The following ZNF521 variants were observed in gnomAD, a reference collection of about 807,000 sequenced individuals.
The protein encoded by ZNF521 is LYST-interacting protein 3.
Under a neutral mutation model 105.5 loss-of-function variants are expected in ZNF521, and 14 were observed. That is an observed-to-expected ratio of 0.13 (90% CI 0.09 to 0.21). The LOEUF (loss-of-function observed/expected upper bound fraction) is 0.21, where lower values mean the gene tolerates loss of function less well. Among genes scored for constraint, ZNF521 ranks in the 10% least tolerant of loss-of-function variants. The pLI, the probability that ZNF521 is intolerant of heterozygous loss-of-function variation, is 1.00. For synonymous variants in ZNF521, 635 were observed against 606.0 expected, an observed-to-expected ratio of 1.05 and a Z score of -0.70; for missense variants, 1,233 against 1,629.7, an observed-to-expected ratio of 0.76 and a Z score of 4.19.
chr18:25,155,954 A>G lies in ZNF521; in HGVS notation c.3658+39206T>C, dbSNP rs150500112. Among the ~76,000 whole-genome samples, 21 of 152,316 alleles carry G rather than the reference A, an allele frequency of 1.4e-4. No individual in the cohort carries two copies. In the East Asian group the frequency reaches 3.9e-3, roughly 28 times the overall value. On this transcript the variant is annotated intron_variant, in intron 5 of 7. Coordinates refer to ENST00000361524, the MANE Select transcript of ZNF521 (RefSeq NM_015461.3). ...AGGTTAAATAAAACATATAGAGAAT[A>G]AAACAGTGGGAAAGATATTAAGTTT...
At chr18:25,093,165 C>T (rs2033782998) in intron 5 of ZNF521, among the ~76,000 whole-genome samples, 1 of 152,080 alleles carries the variant, frequency 6.6e-6, no homozygotes, top group Non-Finnish European at 1.5e-5. Flanking sequence ...GTCACAAGCA[C>T]TCATAATTGG....
At chr18:25,184,631 T>C (rs2035689626) in intron 5 of ZNF521, among the ~76,000 whole-genome samples, 1 of 152,178 alleles carries the variant, frequency 6.6e-6, no homozygotes, top group Admixed American at 6.5e-5. Flanking sequence ...ATTGGAAGTG[T>C]GTGTGGTTGA....
intron 4 of ZNF521, among the ~76,000 whole-genome samples, chr18:25,199,828 T>C (rs1234022889): frequency 6.6e-6 from 1 of 152,106 alleles, no homozygotes; most frequent in Non-Finnish European, 1.5e-5. Context: ...TAAGTAGCTT[T>C]GCAAACATTT....
intron 2 of ZNF521, among the ~76,000 whole-genome samples, chr18:25,346,358 T>C (rs940308816): frequency 6.6e-6 from 1 of 152,098 alleles, no homozygotes; most frequent in African/African-American, 2.4e-5. Context: ...GAAAAAAATG[T>C]GTTTAAATAA....
At chr18:25,191,832 TCCATA>T (rs1294673348) in intron 5 of ZNF521, among the ~76,000 whole-genome samples, 1 of 152,106 alleles carries the variant, frequency 6.6e-6, no homozygotes, top group African/African-American at 2.4e-5. Flanking sequence ...TTTTTGCTAA[TCCATA>T]CCAAAGAATA....
At chr18:25,275,955 C>T (rs1326581574) in intron 3 of ZNF521, among the ~76,000 whole-genome samples, 2 of 152,066 alleles carry the variant, frequency 1.3e-5, no homozygotes, top group Non-Finnish European at 2.9e-5. Context: ...CTATTGATGG[C>T]GGAGGAGCAC....
At chr18:25,074,881 A>G (rs888804718) in intron 7 of ZNF521, among the ~76,000 whole-genome samples, 1 of 152,166 alleles carries the variant, frequency 6.6e-6, no homozygotes, top group East Asian at 1.9e-4. Flanking sequence ...CTCCACGCAG[A>G]GATGTGCTGT....
chr18:25,165,596 A>G (rs2035325561), intron 5 of ZNF521, among the ~76,000 whole-genome samples: 1 of 152,186 alleles, frequency 6.6e-6, no homozygotes, highest in South Asian at 2.1e-4. Context: ...AAACATCACA[A>G]TGAGAGTTCT....
At chr18:25,228,359 T>C (rs1906311326) in intron 3 of ZNF521, among the ~76,000 whole-genome samples, 1 of 152,232 alleles carries the variant, frequency 6.6e-6, no homozygotes, top group Non-Finnish European at 1.5e-5. Context: ...ATTTCTTCAA[T>C]AACTGAAATT....
chr18:25,244,282 GCACACACACACA>G (rs57083520), intron 3 of ZNF521, among the ~76,000 whole-genome samples: 2,958 of 147,422 alleles, frequency 0.02, 62 homozygotes, highest in East Asian at 0.079. Flanking sequence ...GTATGCATGT[GCACACACACACA>G]CACACACACA....
chr18:25,228,763 T>C (rs1906343219), intron 3 of ZNF521, among the ~76,000 whole-genome samples: 1 of 152,228 alleles, frequency 6.6e-6, no homozygotes, highest in African/African-American at 2.4e-5. Flanking sequence ...TTATATTAGG[T>C]GATTTTAAAA....
chr18:25,233,243 TA>T (rs1906652975), intron 3 of ZNF521, among the ~76,000 whole-genome samples: 1 of 151,996 alleles, frequency 6.6e-6, no homozygotes, highest in Non-Finnish European at 1.5e-5. Context: ...AAAAAAAAAC[TA>T]TTATACATTA....
At chr18:25,323,366 T>C (rs1354717384) in intron 2 of ZNF521, among the ~76,000 whole-genome samples, 2 of 152,196 alleles carry the variant, frequency 1.3e-5, no homozygotes, top group Non-Finnish European at 2.9e-5. Flanking sequence ...CATTTTTATA[T>C]GACTACAATA....
intron 7 of ZNF521, among the ~76,000 whole-genome samples, chr18:25,082,991 C>T (rs997866456): frequency 4.6e-5 from 7 of 151,812 alleles, no homozygotes; most frequent in African/African-American, 1.7e-4. Flanking sequence ...CTCTTGTTTG[C>T]AAAAGAGGAT....
At chr18:25,129,960 T>C (rs544906617) in intron 5 of ZNF521, among the ~76,000 whole-genome samples, 2 of 152,266 alleles carry the variant, frequency 1.3e-5, no homozygotes, top group African/African-American at 2.4e-5. Flanking sequence ...AATATTAACA[T>C]ATTATTTCAG....
chr18:25,073,006 T>C (rs901430864), intron 7 of ZNF521, among the ~76,000 whole-genome samples: 1 of 152,162 alleles, frequency 6.6e-6, no homozygotes. Flanking sequence ...TAATTTTAGA[T>C]ACCTTAAAGA....
chr18:25,319,891 A>G (rs377046399), intron 3 of ZNF521, among the ~76,000 whole-genome samples: 15 of 152,140 alleles, frequency 9.9e-5, no homozygotes, highest in East Asian at 3.9e-4. Context: ...GAGCCTATGA[A>G]ACCTGAATTT....
At chr18:25,273,018 G>A (rs930473017) in intron 3 of ZNF521, among the ~76,000 whole-genome samples, 4 of 151,662 alleles carry the variant, frequency 2.6e-5, no homozygotes, top group African/African-American at 7.3e-5. Context: ...CTTGAGTCCA[G>A]GAGTTCAAGA....
chr18:25,173,448 A>G (rs1428550896), intron 5 of ZNF521, among the ~76,000 whole-genome samples: 1 of 152,088 alleles, frequency 6.6e-6, no homozygotes, highest in Non-Finnish European at 1.5e-5. Context: ...ACCATTCCCA[A>G]GGCTGCTTTC....
Sources: allele counts gnomAD v4.1 joint callset (sites outside exome capture counted in the v4.1 genomes callset), GRCh38; gene constraint gnomAD v4.1.1; transcripts MANE v1.5; gene names NCBI Gene and HGNC (gene_info 2026-07-23, HGNC 2026-07-21).